CFAP20DC: variants seen among roughly 807,000 people sequenced by gnomAD.
The protein encoded by CFAP20DC is CFAP20 domain containing, also known as protein CFAP20DC.
In CFAP20DC, 84 loss-of-function variants were observed where a neutral mutation model predicts 101.7. The ratio of observed to expected loss-of-function variants is 0.83; its 90% confidence interval spans 0.69 to 0.99. CFAP20DC has a LOEUF of 0.99. Ranked by LOEUF, CFAP20DC falls within the 50% of genes least tolerant of loss-of-function variation. The probability of loss-of-function intolerance (pLI) is 0.00; values close to 1 mark genes in which losing one functional copy is unlikely to be tolerated. For synonymous variants in CFAP20DC, 359 were observed against 351.2 expected (o/e 1.02, Z -0.25); for missense variants, 1,007 against 970.3 (o/e 1.04, Z -0.50).
chr3:58,816,055 G>A (rs1163034896), intron 14 of CFAP20DC, among the ~76,000 whole-genome samples: 2 of 151,772 alleles, frequency 1.3e-5, no homozygotes, highest in Non-Finnish European at 2.9e-5. Context: ...AAAGACACAT[G>A]CACACGTATA....
At chr3:58,780,143 A>G (rs1301203398) in intron 15 of CFAP20DC, among the ~76,000 whole-genome samples, 1 of 152,160 alleles carries the variant, frequency 6.6e-6, no homozygotes, top group African/African-American at 2.4e-5. Flanking sequence ...AGAGAAGTAA[A>G]TAAAATCTTT....
chr3:58,991,083 A>G (rs1257460300), intron 4 of CFAP20DC, among the ~76,000 whole-genome samples: 3 of 152,190 alleles, frequency 2.0e-5, no homozygotes, highest in African/African-American at 7.2e-5. Flanking sequence ...TATAAAGAAA[A>G]CATTAAAAAT....
chr3:58,821,589 T>C (rs1266187319), intron 14 of CFAP20DC, among the ~76,000 whole-genome samples: 1 of 147,186 alleles, frequency 6.8e-6, no homozygotes, highest in Non-Finnish European at 1.5e-5. Flanking sequence ...TCAAAACCAC[T>C]ATGAGATACC....
At chr3:58,827,913 G>A (rs570265749) in intron 14 of CFAP20DC, among the ~76,000 whole-genome samples, 1 of 152,336 alleles carries the variant, frequency 6.6e-6, no homozygotes, top group African/African-American at 2.4e-5. Context: ...TGTGGTGAGA[G>A]TTATCAGGGA....
At chr3:58,738,539 A>G (rs962915044), downstream of CFAP20DC, among the ~76,000 whole-genome samples, 3 of 152,210 alleles carry the variant, frequency 2.0e-5, no homozygotes, top group African/African-American at 4.8e-5. The surrounding 1 kb of genome is among the most constrained non-coding windows in gnomAD (Gnocchi z 4.4). Context: ...TTATGGCTAC[A>G]TAGTATTCCA....
chr3:58,815,762 CTCA>C (rs1339054393), intron 14 of CFAP20DC, among the ~76,000 whole-genome samples: 4 of 149,832 alleles, frequency 2.7e-5, no homozygotes, highest in Admixed American at 2.6e-4. Flanking sequence ...TGAAAAAATG[CTCA>C]TCATCACTGG....
chr3:58,813,550 T>G, intron 14 of CFAP20DC, among the ~76,000 whole-genome samples: 1 of 152,050 alleles, frequency 6.6e-6, no homozygotes, highest in East Asian at 1.9e-4. Context: ...GAGAACAACG[T>G]AGCCATGGTG....
intron 6 of CFAP20DC, among the ~76,000 whole-genome samples, chr3:58,908,477 A>G (rs1576256590): frequency 6.6e-6 from 1 of 152,340 alleles, no homozygotes; most frequent in Non-Finnish European, 1.5e-5. Flanking sequence ...TAGAACGGTG[A>G]AATATCCAAA....
rs1205096687 is a variant in CFAP20DC, at chr3:58,964,079, T to C, written c.279-26317A>G. On this transcript the variant is annotated intron_variant, in intron 4 of 16. Transcript: ENST00000482387. The surrounding 1 kb of genome is among the most constrained non-coding windows in gnomAD (Gnocchi z 4.1). The stretch of plus-strand genomic sequence containing the variant: ...CTGTCACAAGGTTTTTCTTTTTCTC[T>C]AGCAGTTAAACAAGCACTGGCCTTG... Among the ~76,000 whole-genome samples the C allele has an allele frequency of 1.3e-5, 2 of 152,230 alleles. No individual in the cohort carries two copies. Among genetic ancestry groups the C allele is most frequent in the African/African-American group, 4.8e-5 (2 of 41,456 alleles).
At chr3:58,858,871 GT>G (rs902666668) in intron 12 of CFAP20DC, among the ~76,000 whole-genome samples, 3 of 152,144 alleles carry the variant, frequency 2.0e-5, no homozygotes, top group African/African-American at 7.2e-5. Context: ...GTATACTTCT[GT>G]TGTTGACTAA....
intron 15 of CFAP20DC, among the ~76,000 whole-genome samples, chr3:58,791,192 T>A (rs2072818973): frequency 6.6e-6 from 1 of 151,710 alleles, no homozygotes; most frequent in Non-Finnish European, 1.5e-5. Context: ...TGTTAAAGTA[T>A]GATTTTTTTT....
At chr3:58,848,993 G>T (rs1201471400) in intron 13 of CFAP20DC, 39 bp downstream of exon 13, 2 of 1,521,038 alleles carry the variant, frequency 1.3e-6, no homozygotes, top group South Asian at 1.2e-5. Context: ...ACAGCAGGAT[G>T]TATTGCCGGC....
chr3:58,844,808 CTA>C (rs2077473286), intron 13 of CFAP20DC, among the ~76,000 whole-genome samples: 1 of 136,858 alleles, frequency 7.3e-6, no homozygotes, highest in Admixed American at 7.2e-5. Context: ...TTATAACAAA[CTA>C]TCTCTCAGAC....
intron 4 of CFAP20DC, among the ~76,000 whole-genome samples, chr3:58,992,041 A>C (rs2092957215): frequency 6.6e-6 from 1 of 152,172 alleles, no homozygotes; most frequent in South Asian, 2.1e-4. Flanking sequence ...TGTTTCTATA[A>C]TGCTTGTGGC....
At chr3:58,906,755 T>C (rs1475216717) in intron 6 of CFAP20DC, among the ~76,000 whole-genome samples, 1 of 152,050 alleles carries the variant, frequency 6.6e-6, no homozygotes, top group Non-Finnish European at 1.5e-5. Flanking sequence ...AGTGATGCCC[T>C]GCCTCTACTC....
intron 7 of CFAP20DC, among the ~76,000 whole-genome samples, 163 bp from the exon 8 acceptor site, chr3:58,870,472 A>G (rs1200146185): frequency 6.6e-6 from 1 of 150,534 alleles, no homozygotes; most frequent in East Asian, 2.0e-4. Flanking sequence ...AACATCAGAG[A>G]TACATACAAG....
intron 14 of CFAP20DC, among the ~76,000 whole-genome samples, chr3:58,808,813 G>A (rs1171318409): frequency 1.1e-4 from 17 of 152,212 alleles, no homozygotes; most frequent in Non-Finnish European, 1.8e-4. Context: ...CTGTATTCAG[G>A]AAACCCATCT....
intron 4 of CFAP20DC, among the ~76,000 whole-genome samples, chr3:58,962,261 ATCCTTTGAC>A (rs542486274): frequency 3.3e-4 from 50 of 152,098 alleles, no homozygotes; most frequent in African/African-American, 1.2e-3. Flanking sequence ...CTTATTATTC[ATCCTTTGAC>A]TCATTGGCTA....
intron 4 of CFAP20DC, among the ~76,000 whole-genome samples, chr3:58,949,762 G>A (rs2089867986): frequency 6.6e-6 from 1 of 152,128 alleles, no homozygotes; most frequent in African/African-American, 2.4e-5. Flanking sequence ...GTTTTGATGG[G>A]ATGTATCTCA....
Sources: allele counts gnomAD v4.1 joint callset (sites outside exome capture counted in the v4.1 genomes callset), GRCh38; gene constraint gnomAD v4.1.1; non-coding constraint Gnocchi (gnomAD v3.1); transcripts MANE v1.5; gene names NCBI Gene and HGNC (gene_info 2026-07-23, HGNC 2026-07-21).